Variants in LHX8 observed in about 807,000 individuals in gnomAD.
LHX8 encodes the protein LIM/homeobox protein Lhx8.
In LHX8, 12 loss-of-function variants were observed where a neutral mutation model predicts 40.3. The ratio of observed to expected loss-of-function variants is 0.30; its 90% CI spans 0.19 to 0.48. LHX8 has a LOEUF of 0.48. Ranked by LOEUF, LHX8 falls within the 20% of genes least tolerant of loss-of-function variation. LHX8 has a pLI of 0.99. For missense variants in LHX8, 344 were observed against 433.7 expected (o/e 0.79, Z 1.84); for synonymous variants, 179 against 162.0 (o/e 1.10, Z -0.80).
At chr1:75,179,372 T>C in the LHX8 span, among the ~76,000 whole-genome samples, 2 of 152,168 alleles carry the variant, frequency 1.3e-5, no homozygotes, top group Non-Finnish European at 2.9e-5. Flanking sequence ...TGGGTGCATA[T>C]ATATTTAGGA....
chr1:75,172,147 C>G, the LHX8 span, among the ~76,000 whole-genome samples: 1 of 152,186 alleles, frequency 6.6e-6, no homozygotes, highest in African/African-American at 2.4e-5. Context: ...TCTTATTCAT[C>G]AAATGGCATT....
chr1:75,160,693 A>G (rs1026770683), intron 8 of LHX8, 126 bp from the exon 9 acceptor site: 12 of 737,958 alleles, frequency 1.6e-5, no homozygotes, highest in Non-Finnish European at 2.5e-5. Context: ...CAGTGGAATG[A>G]GTGTAGCTTG....
At chr1:75,196,582 T>G in the LHX8 span, among the ~76,000 whole-genome samples, 152,263 of 152,272 alleles carry the variant, frequency 1, 76,127 homozygotes, top group Middle Eastern at 1. Context: ...AACCTAATGC[T>G]TGGCTCAGTG....
chr1:75,185,837 T>A, the LHX8 span, among the ~76,000 whole-genome samples: 2 of 152,078 alleles, frequency 1.3e-5, no homozygotes, highest in Admixed American at 1.3e-4. Flanking sequence ...TATAAACAAC[T>A]CCAGCAAAGT....
chr1:75,173,436 T>G, the LHX8 span, among the ~76,000 whole-genome samples: 5 of 138,388 alleles, frequency 3.6e-5, no homozygotes, highest in African/African-American at 1.4e-4. Flanking sequence ...CAGGCTGGAG[T>G]GCAGTGGCAC....
chr1:75,179,718 T>C, the LHX8 span, among the ~76,000 whole-genome samples: 2 of 152,158 alleles, frequency 1.3e-5, no homozygotes, highest in African/African-American at 4.8e-5. Context: ...ATGTGTGAAT[T>C]TGATCCTGTC....
downstream of LHX8, among the ~76,000 whole-genome samples, chr1:75,162,599 C>T (rs748371974): frequency 1.3e-5 from 2 of 152,068 alleles, no homozygotes; most frequent in Non-Finnish European, 2.9e-5. Flanking sequence ...ATATCACCAC[C>T]CTTTTTAGTT....
At chr1:75,198,738 TTC>T in the LHX8 span, among the ~76,000 whole-genome samples, 1 of 152,216 alleles carries the variant, frequency 6.6e-6, no homozygotes, top group Non-Finnish European at 1.5e-5. Context: ...AGTCTTCATT[TTC>T]ATAATTTTTT....
downstream of LHX8, among the ~76,000 whole-genome samples, chr1:75,166,097 G>A (rs578083204): frequency 1.4e-4 from 21 of 152,352 alleles, 1 homozygote; most frequent in Admixed American, 9.8e-4. Context: ...AGGCCGGGCA[G>A]TTGGAGGTGA....
At chr1:75,189,161 G>A in the LHX8 span, among the ~76,000 whole-genome samples, 17,744 of 152,128 alleles carry the variant, frequency 0.12, 1,716 homozygotes, top group African/African-American at 0.26. Context: ...TCTTTATAGG[G>A]AACAGCTGGC....
the LHX8 span, among the ~76,000 whole-genome samples, chr1:75,189,116 C>T: frequency 3.3e-5 from 5 of 152,128 alleles, no homozygotes; most frequent in East Asian, 1.9e-4. Context: ...TAGCATTTGC[C>T]GTTATAGACA....
the LHX8 span, among the ~76,000 whole-genome samples, chr1:75,166,546 T>G: frequency 2.6e-5 from 4 of 152,222 alleles, no homozygotes; most frequent in African/African-American, 9.7e-5. Context: ...AGTTATTAGC[T>G]CATTTCTTTC....
At chr1:75,194,823 T>G in the LHX8 span, among the ~76,000 whole-genome samples, 1 of 152,170 alleles carries the variant, frequency 6.6e-6, no homozygotes, top group Non-Finnish European at 1.5e-5. Context: ...TATCTGCCTC[T>G]CCTAAGAAAT....
intron 7 of LHX8, among the ~76,000 whole-genome samples, chr1:75,151,303 G>A (rs112665582): frequency 6.6e-6 from 1 of 152,284 alleles, no homozygotes; most frequent in Non-Finnish European, 1.5e-5. Context: ...TACCACTTCA[G>A]CACTTTCAGA....
At chr1:75,140,874 A>G (rs1648293177) in intron 3 of LHX8, 111 bp from the exon 4 acceptor site, 1 of 969,992 alleles carries the variant, frequency 1.0e-6, no homozygotes, top group Non-Finnish European at 1.6e-6. Context: ...GAAAACATTC[A>G]GAGCATGTGT....
At chr1:75,162,008 CTT>C (rs1296305040), downstream of LHX8, among the ~76,000 whole-genome samples, 1 of 151,918 alleles carries the variant, frequency 6.6e-6, no homozygotes, top group Admixed American at 6.6e-5. Context: ...CACTTTTTGT[CTT>C]TTTATATGCC....
At chr1:75,171,139 G>T in the LHX8 span, among the ~76,000 whole-genome samples, 44 of 152,200 alleles carry the variant, frequency 2.9e-4, no homozygotes, top group Admixed American at 4.6e-4. Context: ...GCCCTGGCAG[G>T]TCAAAAAGTT....
At chr1:75,131,279 C>T (rs895745392), upstream of LHX8, 3 of 176,088 alleles carry the variant, frequency 1.7e-5, no homozygotes, top group Admixed American at 1.6e-4. Context: ...GCCTGAGCAC[C>T]GCAGAACCTC....
At chr1:75,156,792 G>A in intron 7 of LHX8, 101 bp from the exon 8 acceptor site, 1 of 999,026 alleles carries the variant, frequency 1.0e-6, no homozygotes, top group African/African-American at 1.6e-5. Flanking sequence ...TGCTTGTGTG[G>A]TAGTGTGATT....
Sources: gnomAD v4.1 joint callset for allele counts (sites outside exome capture counted in the v4.1 genomes callset) on GRCh38, gnomAD v4.1.1 for gene constraint, MANE v1.5 for transcripts, NCBI Gene and HGNC (gene_info 2026-07-23, HGNC 2026-07-21) for gene names.